PARP6: variants seen among roughly 807,000 people sequenced by gnomAD.
The protein encoded by PARP6 is protein mono-ADP-ribosyltransferase PARP6.
PARP6 carries 27 observed loss-of-function variants against 92.0 expected under a neutral mutation model. The ratio of observed to expected loss-of-function variants is 0.29; its 90% CI spans 0.22 to 0.40. The LOEUF (loss-of-function observed/expected upper bound fraction) is 0.40, where lower values mean the gene tolerates loss of function less well. PARP6 is among the 10% of genes least tolerant of loss of function. The pLI is 1.00. For missense variants in PARP6, 501 were observed against 784.5 expected (o/e 0.64, Z 4.32); for synonymous variants, 272 against 281.2 (o/e 0.97, Z 0.33).
intron 9 of PARP6, among the ~76,000 whole-genome samples, 182 bp from the exon 10 acceptor site, chr15:72,260,870 A>C (rs2085782330): frequency 6.6e-6 from 1 of 152,228 alleles, no homozygotes; most frequent in South Asian, 2.1e-4. Context: ...CATCTGAATT[A>C]AAATTTTTAT....
At chr15:72,269,066 C>G (rs1473264774) in intron 2 of PARP6, among the ~76,000 whole-genome samples, 1 of 152,230 alleles carries the variant, frequency 6.6e-6, no homozygotes, top group Non-Finnish European at 1.5e-5. Flanking sequence ...CTGTTGCTCT[C>G]TAGACCAGCA....
In PARP6 at chr15:72,256,260, T is replaced by C. The variant is rs570306754; in HGVS notation, c.1125+205A>G. On this transcript the variant is annotated intron_variant, in intron 14 of 23. Coordinates refer to ENST00000569795, the MANE Select transcript of PARP6 (RefSeq NM_001323532.2). ...GTCTGTCTGGCTCCAAAAGCCCTTT[T>C]TCCCTATCATAATGTAACTAATATT... Among the ~76,000 whole-genome samples the C allele has an allele frequency of 3.1e-4, 47 of 152,338 alleles. No individual in the cohort carries two copies. In the East Asian group the frequency reaches 8.3e-3, roughly 27 times the overall value.
chr15:72,256,199 C>T (rs752267481), intron 14 of PARP6, among the ~76,000 whole-genome samples: 6 of 152,176 alleles, frequency 3.9e-5, no homozygotes, highest in Admixed American at 2.0e-4. Flanking sequence ...TAATACCCTT[C>T]AAATGGGGAG....
In PARP6 at chr15:72,266,641, C is replaced by G. The variant is rs1022132184; in HGVS notation, c.81+104G>C. 34 of 826,604 alleles carry G rather than the reference C, an allele frequency of 4.1e-5. 1 individual carries two copies. The Middle Eastern group carries it at 1.4e-3, about 33-fold the overall frequency. The allele number at this position is 826,604 out of a possible 1,614,324, so 51.2% of individuals were successfully genotyped here. A position where few individuals can be genotyped will look rare whatever the true frequency, so the allele number is the denominator to read the frequency against. On this transcript the variant is annotated intron_variant, in intron 4 of 23. Transcript: ENST00000569795. ...GCTCAGACCACATCAACATTATAAC[C>G]TCATCTCATCTGTGCTCCAGAACCT...
At chr15:72,249,736 C>CT (rs752750478) in intron 19 of PARP6, among the ~76,000 whole-genome samples, 21 of 152,334 alleles carry the variant, frequency 1.4e-4, no homozygotes, top group Non-Finnish European at 2.1e-4. Flanking sequence ...TTGAAAAGCT[C>CT]TAATAGATTA....
At chr15:72,256,319 A>G (rs187806913) in intron 14 of PARP6, 146 bp downstream of exon 14, 1 of 579,338 alleles carries the variant, frequency 1.7e-6, no homozygotes, top group East Asian at 3.5e-5. Context: ...AAACTTGGCT[A>G]TTTATTTACT....
At position 72,251,192 on chromosome 15, in the gene PARP6, A is replaced by G; in HGVS notation, c.1308+15T>C. The G allele has an allele frequency of 6.4e-7, 1 of 1,552,800 alleles. No individual in the cohort carries two copies. The highest frequency in any genetic ancestry group is 1.7e-5 in the Admixed American group (1 of 59,968). On this transcript the variant is annotated intron_variant, in intron 17 of 23. Transcript: ENST00000569795. The stretch of plus-strand genomic sequence containing the variant: ...CCAGAAATTTAAAGCATTTAGAGGG[A>G]GAATGGTCACTTACCCTGCTGAGAG...
At chr15:72,264,745 G>A (rs142575794) in intron 7 of PARP6, 124 bp from the exon 8 acceptor site, 542 of 716,654 alleles carry the variant, frequency 7.6e-4, no homozygotes, top group Admixed American at 1.4e-3. Context: ...AAACAGTAAC[G>A]GTGGAAGAAA....
At chr15:72,272,047 C>T (rs1389725438) in intron 1 of PARP6, among the ~76,000 whole-genome samples, 2 of 152,186 alleles carry the variant, frequency 1.3e-5, no homozygotes, top group East Asian at 3.9e-4. Flanking sequence ...CCCGTGTGCT[C>T]CCTTCTCAGG....
chr15:72,265,558 T>C, intron 5 of PARP6, 85 bp from the exon 6 acceptor site: 1 of 1,066,204 alleles, frequency 9.4e-7, no homozygotes. Context: ...GAACTGAGCC[T>C]GGGGACAGGG....
intron 16 of PARP6, among the ~76,000 whole-genome samples, chr15:72,252,507 C>T (rs576760021): frequency 6.6e-5 from 10 of 150,972 alleles, no homozygotes; most frequent in East Asian, 1.9e-4. Context: ...TTTTTTGAGA[C>T]GGAGTTTCGC....
In PARP6 at chr15:72,260,533, C is replaced by CCTG. The variant is rs758109779; in HGVS notation, c.698_700dup (p.Ala233dup). On this transcript the variant is annotated inframe_insertion, in exon 10 of 24. Coordinates refer to ENST00000569795, the MANE Select transcript of PARP6 (RefSeq NM_001323532.2). ...GCCCACGTGCTGAGGGCACAGGAGA[C>CCTG]CTGCCTGGGGGCTGGGAGGGTAGCC... The CCTG allele has an allele frequency of 6.2e-7, 1 of 1,614,194 alleles. No individual in the cohort carries two copies. Among genetic ancestry groups the CCTG allele is most frequent in the Non-Finnish European group, 8.5e-7 (1 of 1,180,028 alleles).
At position 72,267,232 on chromosome 15, in the gene PARP6, TGTCTC is replaced by T. The variant is rs377539432; in HGVS notation, c.3+238_3+242del. The T allele has an allele frequency of 2.2e-3, 1,295 of 580,910 alleles. 13 individuals carry two copies. The highest frequency in any genetic ancestry group is 0.019 in the South Asian group (936 of 48,216). The allele number at this position is 580,910 out of a possible 1,614,324, so 36.0% of individuals were successfully genotyped here. ...GTTCCCAAGCACACCTAAACTCTCTTGTCTCATTATTTTCTTTCTATCCTTTAAAG... is the reference window on the plus strand; with the variant it reads ...GTTCCCAAGCACACCTAAACTCTCTTATTATTTTCTTTCTATCCTTTAAAG... On this transcript the variant is annotated intron_variant, in intron 3 of 23. Transcript: ENST00000569795.
intron 20 of PARP6, among the ~76,000 whole-genome samples, chr15:72,246,594 CTTTTG>C (rs570996434): frequency 4.6e-5 from 7 of 152,226 alleles, no homozygotes; most frequent in Non-Finnish European, 1.0e-4. Flanking sequence ...AGTTATTATT[CTTTTG>C]TTTTTTCTTT....
rs752177770 is a variant in PARP6, at chr15:72,267,542, G to A, written c.-65C>T. 24 of 1,586,324 alleles carry A rather than the reference G, an allele frequency of 1.5e-5. No individual in the cohort carries two copies. Among genetic ancestry groups the A allele is most frequent in the East Asian group, 8.9e-5 (4 of 44,752 alleles). On this transcript the variant is annotated 5_prime_UTR_variant, in exon 3 of 24. Transcript: ENST00000569795. ...GCAGCACCCCTCCATACCACTAGCC[G>A]AACCAAGGCCAACGAGATGGGCATT...
chr15:72,246,426 G>A (rs2083612237), intron 20 of PARP6, among the ~76,000 whole-genome samples: 1 of 152,054 alleles, frequency 6.6e-6, no homozygotes, highest in Admixed American at 6.5e-5. Context: ...GGGATTACAG[G>A]TGTGAGCCAC....
intron 18 of PARP6, 169 bp from the exon 19 acceptor site, chr15:72,250,261 G>T (rs2084175891): frequency 1.6e-6 from 1 of 607,748 alleles, no homozygotes; most frequent in Non-Finnish European, 3.1e-6. Context: ...AGATGTGTGT[G>T]TGTGGTTAAA....
intron 14 of PARP6, among the ~76,000 whole-genome samples, chr15:72,255,266 T>C (rs2084916434): frequency 6.6e-6 from 1 of 152,192 alleles, no homozygotes; most frequent in African/African-American, 2.4e-5. Flanking sequence ...TGGTTTTGTT[T>C]TTTTGAGGCA....
At chr15:72,267,389 G>A in intron 3 of PARP6, 86 bp downstream of exon 3, 1 of 1,456,268 alleles carries the variant, frequency 6.9e-7, no homozygotes. Context: ...GGGTAGAAGG[G>A]AAAATACCAA....
Sources: gnomAD v4.1 joint callset for allele counts (sites outside exome capture counted in the v4.1 genomes callset) on GRCh38, gnomAD v4.1.1 for gene constraint, MANE v1.5 for transcripts, NCBI Gene and HGNC (gene_info 2026-07-23, HGNC 2026-07-21) for gene names.